The following NBEAL1 variants were observed in gnomAD, a reference collection of about 807,000 sequenced individuals.
NBEAL1 encodes the protein neurobeachin like 1, also known as neurobeachin-like protein 1.
A neutral mutation model predicts 351.3 loss-of-function variants in NBEAL1; 273 were observed. That is an observed-to-expected ratio of 0.78 (90% CI 0.70 to 0.86). The LOEUF (loss-of-function observed/expected upper bound fraction) is 0.86. Ranked by LOEUF, NBEAL1 falls within the 40% of genes least tolerant of loss-of-function variation. The pLI, the probability that NBEAL1 is intolerant of heterozygous loss-of-function variation, is 0.00. For missense variants in NBEAL1, 2,961 were observed against 3,201.3 expected (o/e 0.92, Z 1.81); for synonymous variants, 1,050 against 1,086.4 (o/e 0.97, Z 0.66).
At chr2:203,077,585 G>C (rs2061798955) in intron 7 of NBEAL1, among the ~76,000 whole-genome samples, 167 bp from the exon 8 acceptor site, 1 of 152,116 alleles carries the variant, frequency 6.6e-6, no homozygotes, top group South Asian at 2.1e-4. Context: ...CTGGTAGATG[G>C]CTTCTCTTTT....
intron 27 of NBEAL1, among the ~76,000 whole-genome samples, chr2:203,134,062 C>G (rs1053909824): frequency 6.6e-6 from 1 of 151,992 alleles, no homozygotes; most frequent in African/African-American, 2.4e-5. Flanking sequence ...ATTGCTGTTT[C>G]AAAGGGTATT....
chr2:203,224,891 A>G lies in NBEAL1; in HGVS notation c.*7537A>G, dbSNP rs1350525662. On this transcript the variant is annotated 3_prime_UTR_variant, in exon 56 of 56. Transcript: ENST00000683969. ...TTCTCATTGTAGTTAAGTTACTGTT[A>G]GTTTGGTGCAATACATTCTTTCCTT... Among the ~76,000 whole-genome samples, 1 of 152,160 alleles carries G rather than the reference A, an allele frequency of 6.6e-6. No individual in the cohort carries two copies. Among genetic ancestry groups the G allele is most frequent in the Non-Finnish European group, 1.5e-5 (1 of 68,006 alleles).
At chr2:203,024,348 A>G (rs1012549277) in intron 2 of NBEAL1, among the ~76,000 whole-genome samples, 11 of 152,114 alleles carry the variant, frequency 7.2e-5, no homozygotes, top group Admixed American at 2.6e-4. Context: ...ATTTGAGGTC[A>G]GGAGTTTGAG....
At chr2:203,174,197 T>C in intron 41 of NBEAL1, among the ~76,000 whole-genome samples, 1 of 99,414 alleles carries the variant, frequency 1.0e-5, no homozygotes. Context: ...TGTTTAATTA[T>C]CACAGTGCTT....
chr2:203,073,721 C>T lies in NBEAL1; in HGVS notation c.599-4031C>T, dbSNP rs1045532879. On this transcript the variant is annotated intron_variant, in intron 7 of 55. Coordinates refer to ENST00000683969, the MANE Select transcript of NBEAL1 (RefSeq NM_001378026.1). ...CATTGATTTTCCTCTATTGTTTATTCGTTTCCTTTTTCATTATTTTTTCTA... is the reference window on the plus strand; with the variant it reads ...CATTGATTTTCCTCTATTGTTTATTTGTTTCCTTTTTCATTATTTTTTCTA... 2.1e-4 allele frequency among the ~76,000 whole-genome samples: 32 copies of T among 152,094 alleles called. No homozygotes were observed. The South Asian group carries it at 2.5e-3, about 12-fold the overall frequency.
chr2:203,161,706 G>A (rs1197561706), intron 36 of NBEAL1, among the ~76,000 whole-genome samples: 1 of 151,742 alleles, frequency 6.6e-6, no homozygotes, highest in Non-Finnish European at 1.5e-5. Context: ...GGTGGTGTGT[G>A]CCTATAGTCT....
At chr2:203,072,614 A>G (rs1230189087) in intron 7 of NBEAL1, among the ~76,000 whole-genome samples, 1 of 152,190 alleles carries the variant, frequency 6.6e-6, no homozygotes, top group Non-Finnish European at 1.5e-5. Context: ...TGCTTGCTGC[A>G]TGTTCTACCT....
chr2:203,085,787 A>T (rs1230156265), intron 10 of NBEAL1: 1 of 152,210 alleles, frequency 6.6e-6, no homozygotes, highest in African/African-American at 2.4e-5. Context: ...TCTCCCATAC[A>T]ATAATAAATA....
At chr2:203,070,058 G>A (rs1254223674) in intron 7 of NBEAL1, among the ~76,000 whole-genome samples, 1 of 152,060 alleles carries the variant, frequency 6.6e-6, no homozygotes, top group African/African-American at 2.4e-5. Context: ...CCCCCATGTA[G>A]AAGGGAAAAA....
At chr2:203,175,107 A>C (rs752371430) in intron 41 of NBEAL1, 40 bp from the exon 42 acceptor site, 2 of 1,547,856 alleles carry the variant, frequency 1.3e-6, no homozygotes, top group Non-Finnish European at 1.8e-6. Context: ...TATGTACTTT[A>C]TTATTGTGGT....
At chr2:203,041,635 C>T (rs149094508) in intron 2 of NBEAL1, 130 bp from the exon 3 acceptor site, 18 of 640,730 alleles carry the variant, frequency 2.8e-5, no homozygotes, top group Non-Finnish European at 3.8e-5. Flanking sequence ...TAAAACAGCA[C>T]ATATGTACTC....
At chr2:203,024,738 T>C (rs914688490) in intron 2 of NBEAL1, among the ~76,000 whole-genome samples, 1 of 152,020 alleles carries the variant, frequency 6.6e-6, no homozygotes, top group African/African-American at 2.4e-5. Context: ...GGTGCAGGCC[T>C]GTGGTCCCAG....
At position 203,056,511 on chromosome 2, in the gene NBEAL1, A is replaced by G; in HGVS notation, c.387+3A>G. The G allele has an allele frequency of 1.3e-6, 2 of 1,494,908 alleles. No homozygotes were observed. The highest frequency in any genetic ancestry group is 1.8e-6 in the Non-Finnish European group (2 of 1,094,220). 92.6% of individuals were successfully genotyped at this position (1,494,908 alleles called of 1,614,324 possible). On this transcript the variant is annotated splice_donor_region_variant and intron_variant, in intron 5 of 55. Coordinates refer to ENST00000683969, the MANE Select transcript of NBEAL1 (RefSeq NM_001378026.1). ...TGACAACACTCTATATTCAGCAAGTAGGTGTGAACTAATCTTTTTTGTCAC... is the reference window on the plus strand; with the variant it reads ...TGACAACACTCTATATTCAGCAAGTGGGTGTGAACTAATCTTTTTTGTCAC...
At chr2:203,139,666 G>C (rs1040258963) in intron 31 of NBEAL1, among the ~76,000 whole-genome samples, 2 of 140,642 alleles carry the variant, frequency 1.4e-5, no homozygotes, top group Non-Finnish European at 3.0e-5. Context: ...CCAGGTTCAA[G>C]CGATTGTTGT....
At position 203,126,669 on chromosome 2, in the gene NBEAL1, T is replaced by G. The variant is rs1455653885; in HGVS notation, c.3098T>G (p.Leu1033Arg). 2 of 1,525,384 alleles carry G rather than the reference T, an allele frequency of 1.3e-6. No individual in the cohort carries two copies. The highest frequency in any genetic ancestry group is 1.8e-6 in the Non-Finnish European group (2 of 1,136,916). The allele number at this position is 1,525,384 out of a possible 1,614,324, so 94.5% of individuals were successfully genotyped here. Residue 1033 changes from leucine (L) to arginine (R), a missense_variant, in exon 22 of 56, where the codon CTC (leucine) becomes CGC (arginine). Coordinates refer to ENST00000683969, the MANE Select transcript of NBEAL1 (RefSeq NM_001378026.1). ...CTGCAACAAATGTATCAATATTTACTCTTTGACTTTCGTATTTGGAACCGT... is the reference window on the plus strand; with the variant it reads ...CTGCAACAAATGTATCAATATTTACGCTTTGACTTTCGTATTTGGAACCGT... The part of the protein sequence containing the change: ...QLLQQMYQYL[L>R]FDFRIWNRGD...
At chr2:203,148,934 G>A in intron 33 of NBEAL1, 57 bp from the exon 34 acceptor site, 2 of 1,395,210 alleles carry the variant, frequency 1.4e-6, no homozygotes. Flanking sequence ...GAATTAAAAT[G>A]TAAATATACC....
At chr2:203,158,055 A>T (rs2063844083) in intron 36 of NBEAL1, among the ~76,000 whole-genome samples, 1 of 152,202 alleles carries the variant, frequency 6.6e-6, no homozygotes, top group African/African-American at 2.4e-5. Flanking sequence ...ACTGTACGAT[A>T]ATGAAAGCAG....
intron 2 of NBEAL1, among the ~76,000 whole-genome samples, chr2:203,033,284 G>A (rs2060982337): frequency 6.6e-6 from 1 of 152,230 alleles, no homozygotes; most frequent in African/African-American, 2.4e-5. Context: ...ACAGGCGTGA[G>A]CCACCGCGCC....
At chr2:203,065,936 T>C (rs754219693) in intron 6 of NBEAL1, among the ~76,000 whole-genome samples, 2 of 152,196 alleles carry the variant, frequency 1.3e-5, no homozygotes, top group Admixed American at 6.5e-5. Flanking sequence ...ATTCTACAAA[T>C]GGTATAAGAC....
Sources: gnomAD v4.1 joint callset for allele counts (sites outside exome capture counted in the v4.1 genomes callset) on GRCh38, gnomAD v4.1.1 for gene constraint, MANE v1.5 for transcripts, NCBI Gene and HGNC (gene_info 2026-07-23, HGNC 2026-07-21) for gene names.